LRP2: variants seen among roughly 807,000 people sequenced by gnomAD.
LRP2 encodes the protein low-density lipoprotein receptor-related protein 2.
A neutral mutation model predicts 531.0 loss-of-function variants in LRP2; 172 were observed. The ratio of observed to expected loss-of-function variants is 0.32; its 90% CI spans 0.29 to 0.37. The LOEUF (loss-of-function observed/expected upper bound fraction) is 0.37, where lower values mean the gene tolerates loss of function less well. LRP2 is among the 10% of genes least tolerant of loss of function. The pLI, the probability that LRP2 is intolerant of heterozygous loss-of-function variation, is 1.00. For missense variants in LRP2, 5,167 were observed against 5,868.3 expected (o/e 0.88, Z 3.90); for synonymous variants, 1,992 against 2,027.6 (o/e 0.98, Z 0.47).
intron 16 of LRP2, among the ~76,000 whole-genome samples, chr2:169,260,663 C>T (rs1301632547): frequency 1.3e-5 from 2 of 151,990 alleles, no homozygotes; most frequent in Admixed American, 6.6e-5. Flanking sequence ...CTTGGTCTTT[C>T]CCTCATTCCC....
rs1428994109 is a variant in LRP2 at position 169,233,464 on chromosome 2, T to G, written c.5045A>C (p.Asn1682Thr). The G allele has an allele frequency of 6.2e-7, 1 of 1,614,178 alleles. No individual in the cohort carries two copies. Among genetic ancestry groups the G allele is most frequent in the East Asian group, 2.2e-5 (1 of 44,876 alleles). Residue 1682 changes from asparagine to threonine, a missense_variant, in exon 30 of 79, where the codon AAT becomes ACT. Transcript: ENST00000649046. Reference sequence around the variant, plus strand: ...AACAATCCCAAGGGGCCATTGAATATTATACATTACAACTGACTGGTTCCC... The same window carrying G: ...AACAATCCCAAGGGGCCATTGAATAGTATACATTACAACTGACTGGTTCCC... ...HGGNQSVVMYNIQWPLGIVAV... is the reference protein window; with the variant it reads ...HGGNQSVVMYTIQWPLGIVAV...
At chr2:169,348,131 A>G (rs2673171) in intron 1 of LRP2, among the ~76,000 whole-genome samples, 15,901 of 152,286 alleles carry the variant, frequency 0.1, 904 homozygotes, top group East Asian at 0.19. Context: ...CTGTTACTAC[A>G]TAAGTAGGTA....
At chr2:169,204,333 GCAGCCCAATGCATGCGCCTCA>G in intron 41 of LRP2, 62 bp from the exon 42 acceptor site, 1 of 1,440,014 alleles carries the variant, frequency 6.9e-7, no homozygotes, top group South Asian at 1.1e-5. Context: ...TTTTCAACTG[GCAGCCCAATGCATGCGCCTCA>G]TCATTGTTTA....
intron 3 of LRP2, among the ~76,000 whole-genome samples, chr2:169,309,391 A>G (rs1684525774): frequency 1.3e-5 from 2 of 152,118 alleles, no homozygotes; most frequent in South Asian, 2.1e-4. Context: ...ATCTTGAATT[A>G]ATTTTTGTAT....
intron 38 of LRP2, among the ~76,000 whole-genome samples, chr2:169,207,592 T>C (rs2105334677): frequency 6.6e-6 from 1 of 152,296 alleles, no homozygotes; most frequent in African/African-American, 2.4e-5. Flanking sequence ...AATACCTACT[T>C]GAAACACTCT....
chr2:169,168,018 A>AATATATATATATATAGATAT (rs1686847022), intron 61 of LRP2, among the ~76,000 whole-genome samples: 1 of 68,186 alleles, frequency 1.5e-5, no homozygotes, highest in Non-Finnish European at 2.9e-5. Flanking sequence ...CAGGGTTTAA[A>AATATATATATATATAGATAT]ATATATATAT....
rs1421514575 is a variant in LRP2, at chr2:169,158,412, A to T, written c.11888-910T>A. ...TAGGGAATAAATTATGTTATAGTAT[A>T]AAAAAACTAAGACATTAATGATGCA... On this transcript the variant is annotated intron_variant, in intron 63 of 78. Coordinates refer to ENST00000649046, the MANE Select transcript of LRP2 (RefSeq NM_004525.3). Among the ~76,000 whole-genome samples the T allele has an allele frequency of 2.6e-5, 4 of 152,074 alleles. No homozygotes were observed. The East Asian group carries it at 5.8e-4, about 22-fold the overall frequency.
chr2:169,194,327 A>G (rs1450805730), intron 46 of LRP2, among the ~76,000 whole-genome samples: 1 of 152,044 alleles, frequency 6.6e-6, no homozygotes, highest in East Asian at 1.9e-4. Flanking sequence ...ACTTAGCACC[A>G]CCTTTCAACA....
At chr2:169,144,957 A>G (rs933457036) in intron 70 of LRP2, among the ~76,000 whole-genome samples, 2 of 152,168 alleles carry the variant, frequency 1.3e-5, no homozygotes, top group Admixed American at 6.5e-5. Flanking sequence ...CCTAAAAATT[A>G]TTTCATTTCT....
intron 60 of LRP2, 140 bp from the exon 61 acceptor site, chr2:169,168,816 G>T: frequency 1.1e-6 from 1 of 926,318 alleles, no homozygotes; most frequent in Non-Finnish European, 1.7e-6. Flanking sequence ...GCCTTGACCT[G>T]TCTGAAAGTT....
chr2:169,176,307 C>A (rs1282949707), intron 54 of LRP2, 104 bp downstream of exon 54: 23 of 1,370,310 alleles, frequency 1.7e-5, no homozygotes, highest in Non-Finnish European at 2.3e-5. Flanking sequence ...GTTAATTAAC[C>A]AAAATCTTGT....
intron 38 of LRP2, among the ~76,000 whole-genome samples, chr2:169,208,018 A>AT (rs1486771915): frequency 3.9e-5 from 6 of 152,170 alleles, no homozygotes; most frequent in Admixed American, 6.5e-5. Context: ...TTACTGATAC[A>AT]TTTTTTCATT....
intron 76 of LRP2, 76 bp from the exon 77 acceptor site, chr2:169,132,757 C>T: frequency 1.2e-6 from 1 of 800,850 alleles, no homozygotes; most frequent in East Asian, 2.5e-5. Context: ...AAGTTTGTAC[C>T]AACTCTGGCT....
intron 23 of LRP2, 71 bp downstream of exon 23, chr2:169,243,332 T>C: frequency 6.4e-7 from 1 of 1,572,338 alleles, no homozygotes. Context: ...TTCCCCTCCC[T>C]GTGTCCATGT....
In LRP2 at chr2:169,213,403, G is replaced by A. The variant is rs75898768; in HGVS notation, c.6040+254C>T. Among the ~76,000 whole-genome samples the A allele has an allele frequency of 0.037, 5,607 of 152,258 alleles. 146 individuals carry two copies. Among genetic ancestry groups the A allele is most frequent in the South Asian group, 0.098 (472 of 4,828 alleles). On this transcript the variant is annotated intron_variant, in intron 36 of 78. Transcript: ENST00000649046. ...GTTCTATGAAGTAAAAGCAAAGTAAGGAATTGAAAGTAATGGGAAGAGAAA... is the reference window on the plus strand; with the variant it reads ...GTTCTATGAAGTAAAAGCAAAGTAAAGAATTGAAAGTAATGGGAAGAGAAA...
Position 169,244,856 on chromosome 2 carries a change from G to A in LRP2, c.3267C>T (p.Arg1089=), listed in dbSNP as rs1356847795. The A allele has an allele frequency of 6.2e-7, 1 of 1,614,266 alleles. No homozygotes were observed. The highest frequency in any genetic ancestry group is 1.1e-5 in the South Asian group (1 of 91,090). ...CIPAHWRCDK[R]NDCVDGSDEH... The stretch of plus-strand genomic sequence containing the variant: ...CATCACTGCCATCCACACAGTCGTT[G>A]CGTTTGTCACAGCGCCAGTGTGCAG... Residue 1089 remains arginine (R), a synonymous_variant, in exon 22 of 79, where the codon CGC becomes CGT. Transcript: ENST00000649046.
intron 76 of LRP2, among the ~76,000 whole-genome samples, chr2:169,135,444 A>G (rs2105331799): frequency 6.6e-6 from 1 of 152,276 alleles, no homozygotes; most frequent in South Asian, 2.1e-4. Context: ...CCCTTCTGTC[A>G]GACATAATTC....
rs546474889 is a variant in LRP2 at position 169,167,609 on chromosome 2, C to T, written c.11635+930G>A. On this transcript the variant is annotated intron_variant, in intron 61 of 78. Coordinates refer to ENST00000649046, the MANE Select transcript of LRP2 (RefSeq NM_004525.3). ...GGTCTTTGAGTTAATGCCTTTCCTT[C>T]CTCTACTTCTTTTGGTCTTGATTTT... Among the ~76,000 whole-genome samples the T allele has an allele frequency of 5.5e-4, 83 of 152,150 alleles. 1 individual carries two copies. Among genetic ancestry groups the T allele is most frequent in the African/African-American group, 2.0e-3 (83 of 41,496 alleles).
At chr2:169,163,992 C>T (rs1686686984) in intron 62 of LRP2, among the ~76,000 whole-genome samples, 1 of 152,188 alleles carries the variant, frequency 6.6e-6, no homozygotes, top group Non-Finnish European at 1.5e-5. Flanking sequence ...CCAGAGTGGC[C>T]ATGTAATTTA....
Sources: gnomAD v4.1 joint callset for allele counts (sites outside exome capture counted in the v4.1 genomes callset) on GRCh38, gnomAD v4.1.1 for gene constraint, MANE v1.5 for transcripts, NCBI Gene and HGNC (gene_info 2026-07-23, HGNC 2026-07-21) for gene names.